Variants in STK39 observed in about 807,000 individuals in gnomAD.
The protein encoded by STK39 is STE20/SPS1-related proline-alanine-rich protein kinase.
STK39 carries 20 observed loss-of-function variants against 77.8 expected under a neutral mutation model. That is an observed-to-expected ratio of 0.26 (90% CI 0.18 to 0.37). The LOEUF is 0.37. STK39 is among the 10% of genes least tolerant of loss of function. STK39 has a pLI of 1.00. For synonymous variants in STK39, 246 were observed against 234.1 expected, an observed-to-expected ratio of 1.05 and a Z score of -0.47; for missense variants, 479 against 656.5, an observed-to-expected ratio of 0.73 and a Z score of 2.95.
At chr2:168,161,725 A>C (rs920682624) in intron 5 of STK39, 62 bp downstream of exon 5, 16 of 1,193,222 alleles carry the variant, frequency 1.3e-5, no homozygotes, top group Non-Finnish European at 1.8e-5. Flanking sequence ...ATGATTCTAC[A>C]TTCCTTGAAA....
At chr2:168,009,851 C>T (rs894620788) in intron 16 of STK39, among the ~76,000 whole-genome samples, 2 of 152,178 alleles carry the variant, frequency 1.3e-5, no homozygotes, top group African/African-American at 2.4e-5. Flanking sequence ...AAAAGAAAAG[C>T]TTTATGGTTA....
At chr2:168,006,921 C>T (rs926848721) in intron 16 of STK39, among the ~76,000 whole-genome samples, 3 of 152,128 alleles carry the variant, frequency 2.0e-5, no homozygotes, top group Non-Finnish European at 2.9e-5. Context: ...TCGCGAAGGT[C>T]GGCACACTAA....
chr2:168,062,112 C>T (rs1030641000), intron 14 of STK39, among the ~76,000 whole-genome samples: 1 of 152,110 alleles, frequency 6.6e-6, no homozygotes, highest in Non-Finnish European at 1.5e-5. Context: ...AAGATTCCTG[C>T]ATATATAAAG....
At chr2:168,061,574 G>A (rs1685666871) in intron 14 of STK39, among the ~76,000 whole-genome samples, 1 of 152,110 alleles carries the variant, frequency 6.6e-6, no homozygotes, top group African/African-American at 2.4e-5. Context: ...GCGTCATGTA[G>A]GACTAGTGAT....
chr2:168,197,364 C>T (rs1055225329), intron 1 of STK39, among the ~76,000 whole-genome samples: 2 of 152,182 alleles, frequency 1.3e-5, no homozygotes, highest in Admixed American at 6.5e-5. Flanking sequence ...CTTCATCCAT[C>T]CCAAAACCCT....
At chr2:168,004,437 A>T (rs1684071890) in intron 16 of STK39, among the ~76,000 whole-genome samples, 1 of 152,188 alleles carries the variant, frequency 6.6e-6, no homozygotes, top group Non-Finnish European at 1.5e-5. Context: ...TAAGCATAAA[A>T]TAAAGTGACT....
Position 168,012,676 on chromosome 2 carries a change from G to A in STK39, c.1456C>T (p.Leu486Phe). The change falls in exon 16 of 18, where the codon CTC (leucine) becomes TTC (phenylalanine). Residue 486 changes from leucine to phenylalanine, a missense_variant. Physicochemically the swap from Leu to Phe is conservative, Grantham distance 22. Coordinates refer to ENST00000355999, the MANE Select transcript of STK39 (RefSeq NM_013233.3). ...RDTADGVSQE[L>F]FSAGLVDGHD... is the part of the protein sequence containing the mutation. ...CCATCCACCAAGCCAGCAGAGAAGA[G>A]CTCCTGAGATACACCATCTGCTGTA... The A allele has an allele frequency of 6.2e-7, 1 of 1,613,702 alleles. No individual in the cohort carries two copies. The highest frequency in any genetic ancestry group is 8.5e-7 in the Non-Finnish European group (1 of 1,179,792).
intron 1 of STK39, among the ~76,000 whole-genome samples, chr2:168,200,387 G>A (rs1357356653): frequency 6.6e-6 from 1 of 152,086 alleles, no homozygotes; most frequent in Non-Finnish European, 1.5e-5. Flanking sequence ...AACTTAAGCT[G>A]GGCATGGTGA....
rs189951553 is a variant in STK39 at position 167,971,655 on chromosome 2, A to G, written c.1499-6929T>C. ...TTACTGCGGAATGTTCTGAATAAAC[A>G]GCAATGCATGGAAGTGCATTTAAAA... is the stretch of plus-strand genomic sequence containing the variant. On this transcript the variant is annotated intron_variant, in intron 16 of 17. Transcript: ENST00000355999. Among the ~76,000 whole-genome samples, 175 of 152,370 alleles carry G rather than the reference A, an allele frequency of 1.1e-3. 2 individuals carry two copies. The highest frequency in any genetic ancestry group is 3.7e-3 in the African/African-American group (153 of 41,590).
intron 5 of STK39, among the ~76,000 whole-genome samples, chr2:168,153,761 G>A (rs1345933352): frequency 1.3e-5 from 2 of 152,140 alleles, no homozygotes; most frequent in African/African-American, 4.8e-5. Context: ...AGATCCCGGG[G>A]CAGCAGCATG....
intron 10 of STK39, among the ~76,000 whole-genome samples, chr2:168,121,204 C>A (rs942180187): frequency 6.6e-6 from 1 of 152,338 alleles, no homozygotes; most frequent in South Asian, 2.1e-4. Context: ...CTGGAGTTCA[C>A]TCCTGCTTAT....
intron 10 of STK39, among the ~76,000 whole-genome samples, chr2:168,097,672 T>C (rs1200681733): frequency 6.6e-6 from 1 of 152,034 alleles, no homozygotes; most frequent in East Asian, 1.9e-4. Flanking sequence ...GAGTGCACGC[T>C]TCAGTGAGCT....
chr2:167,974,087 TAAAC>T (rs1326939857), intron 16 of STK39, among the ~76,000 whole-genome samples: 4 of 152,188 alleles, frequency 2.6e-5, no homozygotes, highest in Non-Finnish European at 4.4e-5. Context: ...CTTTCTCTCT[TAAAC>T]AAATTTTCAT....
rs1690612389 is a variant in STK39 at position 168,236,463 on chromosome 2, C to G, written c.208+10765G>C. Among the ~76,000 whole-genome samples the G allele has an allele frequency of 2.6e-5, 4 of 152,156 alleles. No individual in the cohort carries two copies. The South Asian group carries it at 8.3e-4, about 32-fold the overall frequency. On this transcript the variant is annotated intron_variant, in intron 1 of 17. Transcript: ENST00000355999. ...AGAAGCTGTTTAGTTTAATTACATC[C>G]CATTTGTCAATTTTGGCTTTTGTTG...
intron 8 of STK39, among the ~76,000 whole-genome samples, chr2:168,131,105 T>A (rs976079380): frequency 6.6e-6 from 1 of 152,242 alleles, no homozygotes; most frequent in Admixed American, 6.5e-5. Flanking sequence ...TGTAGGAACA[T>A]GTCCTTGTTT....
chr2:168,246,809 A>C (rs1690920844), intron 1 of STK39, among the ~76,000 whole-genome samples: 2 of 151,890 alleles, frequency 1.3e-5, no homozygotes, highest in South Asian at 4.1e-4. Context: ...GGGCCCTGGA[A>C]ACCCAGGGCG....
chr2:168,068,838 ATCTC>A (rs1000766283), intron 12 of STK39, among the ~76,000 whole-genome samples: 1 of 152,170 alleles, frequency 6.6e-6, no homozygotes, highest in Non-Finnish European at 1.5e-5. Flanking sequence ...GAGAAGTTAA[ATCTC>A]TCTCTCCATC....
chr2:168,064,517 C>T (rs749689522), intron 13 of STK39, among the ~76,000 whole-genome samples: 7 of 152,136 alleles, frequency 4.6e-5, no homozygotes, highest in African/African-American at 7.2e-5. Flanking sequence ...ATAAGGGCCC[C>T]GCATTAGGTA....
intron 10 of STK39, among the ~76,000 whole-genome samples, chr2:168,107,031 T>C (rs1467204313): frequency 1.3e-5 from 2 of 152,192 alleles, no homozygotes; most frequent in African/African-American, 4.8e-5. Flanking sequence ...GGTTGCTTCA[T>C]GTCACGTAAT....
Sources: gnomAD v4.1 joint callset for allele counts (sites outside exome capture counted in the v4.1 genomes callset) on GRCh38, gnomAD v4.1.1 for gene constraint, MANE v1.5 for transcripts, NCBI Gene and HGNC (gene_info 2026-07-23, HGNC 2026-07-21) for gene names.